Variants in HOOK3 observed in about 807,000 individuals in gnomAD.
The protein encoded by HOOK3 is hook microtubule tethering protein 3.
In HOOK3, 24 loss-of-function variants were observed where a neutral mutation model predicts 116.3. The ratio of observed to expected loss-of-function variants is 0.21; its 90% CI spans 0.15 to 0.29. HOOK3 has a LOEUF of 0.29. Ranked by LOEUF, HOOK3 falls within the 10% of genes least tolerant of loss-of-function variation. HOOK3 has a pLI of 1.00. For missense variants in HOOK3, 632 were observed against 830.2 expected, an observed-to-expected ratio of 0.76 and a Z score of 2.93; for synonymous variants, 275 against 283.0, an observed-to-expected ratio of 0.97 and a Z score of 0.28.
intron 1 of HOOK3, among the ~76,000 whole-genome samples, chr8:42,903,759 T>A (rs1233400778): frequency 6.8e-6 from 1 of 147,164 alleles, no homozygotes; most frequent in Non-Finnish European, 1.5e-5. Flanking sequence ...GATGAGGACA[T>A]CCTGGCCAAC....
intron 2 of HOOK3, among the ~76,000 whole-genome samples, chr8:42,910,168 T>C (rs1410720865): frequency 6.6e-6 from 1 of 152,216 alleles, no homozygotes; most frequent in Admixed American, 6.5e-5. Flanking sequence ...TATCATAACA[T>C]CAGTTTTGTA....
At chr8:42,957,067 T>C in intron 6 of HOOK3, 27 bp from the exon 7 acceptor site, 5 of 1,448,014 alleles carry the variant, frequency 3.5e-6, no homozygotes, top group Non-Finnish European at 4.8e-6. Context: ...TGCCTCATAG[T>C]TATAATCATT....
Position 42,971,971 on chromosome 8 carries a change from C to G in HOOK3, c.1123-1318C>G, listed in dbSNP as rs1395263185. Among the ~76,000 whole-genome samples, 3 of 152,204 alleles carry G rather than the reference C, an allele frequency of 2.0e-5. No individual in the cohort carries two copies. In the East Asian group the frequency reaches 5.8e-4, roughly 29 times the overall value. The stretch of plus-strand genomic sequence containing the variant: ...GTGCTAGGCTTACAGGTGTGAGCCG[C>G]CGTGCCTGGCCTCTTAACTCCTTTT... On this transcript the variant is annotated intron_variant, in intron 11 of 21. Transcript: ENST00000307602.
intron 19 of HOOK3, among the ~76,000 whole-genome samples, chr8:43,012,263 C>G (rs1563314381): frequency 6.6e-6 from 1 of 152,186 alleles, no homozygotes; most frequent in Non-Finnish European, 1.5e-5. Context: ...TAGTTTAGTA[C>G]ACAACTAGGC....
At chr8:43,008,900 C>T (rs911754973) in intron 18 of HOOK3, among the ~76,000 whole-genome samples, 20 of 151,306 alleles carry the variant, frequency 1.3e-4, no homozygotes, top group Admixed American at 1.3e-3. Flanking sequence ...ACCTCGTGAT[C>T]CGCCCGCCTC....
At chr8:42,935,093 G>A (rs1807940777) in intron 4 of HOOK3, among the ~76,000 whole-genome samples, 2 of 152,184 alleles carry the variant, frequency 1.3e-5, no homozygotes, top group Non-Finnish European at 2.9e-5. Context: ...TCTAACTGGT[G>A]TGAGATGGTA....
At chr8:42,972,119 A>G (rs1808738311) in intron 11 of HOOK3, among the ~76,000 whole-genome samples, 1 of 152,058 alleles carries the variant, frequency 6.6e-6, no homozygotes, top group African/African-American at 2.4e-5. Flanking sequence ...AATGTTTTCC[A>G]TAGAGTCTTG....
At position 43,027,954 on chromosome 8, in the gene HOOK3, C is replaced by A; in HGVS notation, c.*9456C>A. On this transcript the variant is annotated 3_prime_UTR_variant, in exon 22 of 22. Transcript: ENST00000307602. ...GGACAAAATAAAGGCAGTGAAGTAACTTAAGACAACTCTGAGATTTTACCA... is the reference window on the plus strand; with the variant it reads ...GGACAAAATAAAGGCAGTGAAGTAAATTAAGACAACTCTGAGATTTTACCA... 1 of 193,306 alleles carries A rather than the reference C, an allele frequency of 5.2e-6. No individual in the cohort carries two copies. Among genetic ancestry groups the A allele is most frequent in the Middle Eastern group, 1.8e-3 (1 of 544 alleles). The allele number at this position is 193,306 out of a possible 1,614,324, so 12.0% of individuals were successfully genotyped here. A position where few individuals can be genotyped will look rare whatever the true frequency, so the allele number is the denominator to read the frequency against.
At chr8:42,926,647 G>A (rs1318973597) in intron 3 of HOOK3, among the ~76,000 whole-genome samples, 4 of 152,158 alleles carry the variant, frequency 2.6e-5, no homozygotes, top group African/African-American at 9.7e-5. Flanking sequence ...AAGAGGTTAT[G>A]TGTACCTTTT....
At chr8:42,976,202 G>A (rs1202520955) in intron 13 of HOOK3, among the ~76,000 whole-genome samples, 1 of 152,096 alleles carries the variant, frequency 6.6e-6, no homozygotes, top group Non-Finnish European at 1.5e-5. Flanking sequence ...GGCTGTCAGT[G>A]TTTGGTAGAA....
At chr8:42,898,133 C>T (rs1437477531) in intron 1 of HOOK3, among the ~76,000 whole-genome samples, 1 of 152,222 alleles carries the variant, frequency 6.6e-6, no homozygotes, top group African/African-American at 2.4e-5. Context: ...AGTCAGGATC[C>T]CTGGAGTGTA....
intron 4 of HOOK3, among the ~76,000 whole-genome samples, chr8:42,938,698 T>A (rs1318699251): frequency 2.7e-5 from 4 of 149,816 alleles, no homozygotes; most frequent in African/African-American, 9.9e-5. Context: ...AATGCTTTTC[T>A]TTTATTTATT....
chr8:42,926,735 C>T (rs1261079728), intron 3 of HOOK3, among the ~76,000 whole-genome samples: 1 of 152,136 alleles, frequency 6.6e-6, no homozygotes, highest in East Asian at 1.9e-4. Flanking sequence ...TGGTACAGTC[C>T]ATATTTTATT....
At chr8:42,966,647 T>C (rs375376261) in intron 10 of HOOK3, 34 bp downstream of exon 10, 1 of 1,600,520 alleles carries the variant, frequency 6.2e-7, no homozygotes. Context: ...CAGCACAGTT[T>C]GGCTCTGGTG....
At chr8:42,934,190 T>C (rs1392848039) in intron 4 of HOOK3, among the ~76,000 whole-genome samples, 1 of 152,092 alleles carries the variant, frequency 6.6e-6, no homozygotes, top group Non-Finnish European at 1.5e-5. Flanking sequence ...TTTTCTCTCT[T>C]GTGTTTTTGC....
chr8:42,936,199 T>C (rs1321967604), intron 4 of HOOK3, among the ~76,000 whole-genome samples: 1 of 152,208 alleles, frequency 6.6e-6, no homozygotes, highest in African/African-American at 2.4e-5. Context: ...TTGTCTGTTA[T>C]TGGTGTATAG....
intron 17 of HOOK3, 29 bp from the exon 18 acceptor site, chr8:43,007,818 A>G: frequency 7.2e-7 from 1 of 1,385,494 alleles, no homozygotes; most frequent in Admixed American, 1.8e-5. Flanking sequence ...CAGAAGCAGT[A>G]GTAGGTGATG....
intron 5 of HOOK3, among the ~76,000 whole-genome samples, chr8:42,944,303 C>T (rs746851345): frequency 6.6e-6 from 1 of 151,856 alleles, no homozygotes; most frequent in Non-Finnish European, 1.5e-5. Flanking sequence ...GTAATCCCAG[C>T]TACTCAGGTG....
rs1808493091 is a variant in HOOK3, at chr8:42,959,251, A to G, written c.552A>G (p.Glu184=). 1.9e-6 allele frequency: 3 copies of G among 1,613,066 alleles called. No homozygotes were observed. Among genetic ancestry groups the G allele is most frequent in the Non-Finnish European group, 2.5e-6 (3 of 1,179,268 alleles). Residue 184 remains glutamate (E), a synonymous_variant, in exon 8 of 22, where the codon GAA becomes GAG. Coordinates refer to ENST00000307602, the MANE Select transcript of HOOK3 (RefSeq NM_032410.4). ...LDRQLKKTTE[E]LNEALSAKEE... is the part of the protein sequence containing the mutation. ...ACCAGCTGAAGAAAACTACAGAGGA[A>G]CTAAATGAAGCTTTGTCAGCAAAGG... is the stretch of plus-strand genomic sequence containing the variant.
Sources: gnomAD v4.1 joint callset for allele counts (sites outside exome capture counted in the v4.1 genomes callset) on GRCh38, gnomAD v4.1.1 for gene constraint, MANE v1.5 for transcripts, NCBI Gene and HGNC (gene_info 2026-07-23, HGNC 2026-07-21) for gene names.